Variants in CTNNA3 observed in about 807,000 individuals in gnomAD.
CTNNA3 encodes catenin alpha 3, also known as catenin alpha-3.
Under a neutral mutation model 95.7 loss-of-function variants are expected in CTNNA3, and 76 were observed. The ratio of observed to expected loss-of-function variants is 0.79; its 90% confidence interval spans 0.66 to 0.96. The LOEUF is 0.96. Ranked by LOEUF, CTNNA3 falls within the 40% of genes least tolerant of loss-of-function variation. The pLI is 0.00. For synonymous variants in CTNNA3, 431 were observed against 374.4 expected (o/e 1.15, Z -1.74); for missense variants, 1,191 against 1,089.8 (o/e 1.09, Z -1.31).
rs758057945 is a variant in CTNNA3, at chr10:67,180,376, C to A, written c.988G>T (p.Ala330Ser). ...GCCTGGCGAATGGCGTTGCATTCTG[C>A]GATAATCCGCTCTCGGTGTAAGTCC... ...TRDLHRERII[A>S]ECNAIRQALQ... The change falls in exon 7 of 18, where the codon GCA becomes TCA. Residue 330 changes from alanine (A) to serine (S), a missense_variant. Transcript: ENST00000433211. 3.7e-6 allele frequency: 6 copies of A among 1,613,472 alleles called. No individual in the cohort carries two copies. The highest frequency in any genetic ancestry group is 5.1e-6 in the Non-Finnish European group (6 of 1,179,866).
intron 11 of CTNNA3, among the ~76,000 whole-genome samples, chr10:66,446,392 T>C (rs1303553589): frequency 6.6e-6 from 1 of 151,990 alleles, no homozygotes; most frequent in African/African-American, 2.4e-5. Flanking sequence ...TTTAGACCAA[T>C]ATCCTTGATG....
At chr10:66,089,457 T>C (rs946752007) in intron 14 of CTNNA3, among the ~76,000 whole-genome samples, 2 of 151,728 alleles carry the variant, frequency 1.3e-5, no homozygotes, top group Non-Finnish European at 2.9e-5. Context: ...TTTATTCCTA[T>C]TCCTTGTGCC....
intron 9 of CTNNA3, among the ~76,000 whole-genome samples, chr10:66,695,249 C>A (rs1847713403): frequency 6.6e-6 from 1 of 152,150 alleles, no homozygotes; most frequent in South Asian, 2.1e-4. Flanking sequence ...ATGTTTGCCT[C>A]CTGACTCCCA....
intron 7 of CTNNA3, among the ~76,000 whole-genome samples, chr10:66,779,908 T>C (rs957341267): frequency 2.6e-5 from 4 of 152,100 alleles, no homozygotes; most frequent in Non-Finnish European, 4.4e-5. Flanking sequence ...GTGATAGACA[T>C]AAACACAGTA....
intron 7 of CTNNA3, among the ~76,000 whole-genome samples, chr10:66,794,522 A>T (rs1312119748): frequency 6.6e-6 from 1 of 152,172 alleles, no homozygotes; most frequent in African/African-American, 2.4e-5. Context: ...AAAAAATGCT[A>T]ACAGCCATAT....
chr10:67,557,230 C>G (rs928765473), intron 3 of CTNNA3, among the ~76,000 whole-genome samples: 7 of 152,110 alleles, frequency 4.6e-5, no homozygotes, highest in African/African-American at 1.4e-4. Context: ...GGGACTGTGT[C>G]AACCATGGAA....
intron 4 of CTNNA3, among the ~76,000 whole-genome samples, chr10:67,522,246 C>G (rs1840010194): frequency 6.6e-6 from 1 of 152,098 alleles, no homozygotes; most frequent in African/African-American, 2.4e-5. Flanking sequence ...AAAGAAAGTT[C>G]ATCTTTTAGG....
intron 12 of CTNNA3, among the ~76,000 whole-genome samples, chr10:66,366,048 T>C (rs1468026834): frequency 6.6e-6 from 1 of 152,064 alleles, no homozygotes; most frequent in Non-Finnish European, 1.5e-5. Context: ...ACAGTAAATG[T>C]TTGTTGTCTT....
intron 2 of CTNNA3, among the ~76,000 whole-genome samples, chr10:67,641,806 A>C (rs1168975577): frequency 6.6e-6 from 1 of 152,174 alleles, no homozygotes; most frequent in Non-Finnish European, 1.5e-5. Flanking sequence ...GAATTGAACA[A>C]TGAGAACACT....
chr10:66,010,170 G>A (rs1395484780), intron 15 of CTNNA3, among the ~76,000 whole-genome samples: 2 of 152,172 alleles, frequency 1.3e-5, no homozygotes, highest in East Asian at 1.9e-4. Flanking sequence ...TTGTTAGCAT[G>A]CATCTACTTT....
At chr10:67,051,391 A>G (rs762221890) in intron 7 of CTNNA3, among the ~76,000 whole-genome samples, 11 of 152,194 alleles carry the variant, frequency 7.2e-5, no homozygotes, top group South Asian at 2.1e-4. Context: ...TTTCCCTTGG[A>G]CATTTTAACA....
intron 9 of CTNNA3, among the ~76,000 whole-genome samples, chr10:66,745,755 ATTTT>A (rs34185477): frequency 7.8e-6 from 1 of 128,210 alleles, no homozygotes. Flanking sequence ...ACACCTCGCT[ATTTT>A]TTTTTTTTTT....
intron 7 of CTNNA3, among the ~76,000 whole-genome samples, chr10:66,914,542 C>CA (rs34229702): frequency 0.1 from 13,848 of 132,220 alleles, 769 homozygotes; most frequent in African/African-American, 0.14. Context: ...AGTATACCAC[C>CA]AAAAAAAAAA....
chr10:67,492,487 A>T (rs1332278275), intron 5 of CTNNA3, among the ~76,000 whole-genome samples: 1 of 152,232 alleles, frequency 6.6e-6, no homozygotes, highest in Non-Finnish European at 1.5e-5. Context: ...TTCTCCAACA[A>T]GTGTTTATTG....
In CTNNA3 at chr10:65,966,733, G is replaced by A; in HGVS notation, c.2279C>T (p.Ser760Phe). ...RQIANQCPDP[S>F]CKQDLLAYLE... ...GTAGGCCAACAAGTCCTGTTTACAA[G>A]ATGGATCTGGGCACTAAATATGAAT... Residue 760 changes from serine to phenylalanine, a missense_variant, in exon 17 of 18, where the codon TCT becomes TTT. Physicochemically the swap from Ser to Phe is radical, Grantham distance 155. Coordinates refer to ENST00000433211, the MANE Select transcript of CTNNA3 (RefSeq NM_013266.4). 1 of 1,611,604 alleles carries A rather than the reference G, an allele frequency of 6.2e-7. No individual in the cohort carries two copies. The highest frequency in any genetic ancestry group is 8.5e-7 in the Non-Finnish European group (1 of 1,178,100).
At chr10:66,108,267 C>T (rs2081984647) in intron 13 of CTNNA3, among the ~76,000 whole-genome samples, 1 of 152,100 alleles carries the variant, frequency 6.6e-6, no homozygotes, top group Non-Finnish European at 1.5e-5. Context: ...AAGTTCCTGC[C>T]CCACACCTTT....
At chr10:67,614,536 T>A (rs1259855048) in intron 2 of CTNNA3, among the ~76,000 whole-genome samples, 2 of 152,138 alleles carry the variant, frequency 1.3e-5, no homozygotes, top group Non-Finnish European at 2.9e-5. Flanking sequence ...CACAATAAGG[T>A]TCACTTTCCC....
At chr10:66,156,929 T>C (rs1002524312) in intron 13 of CTNNA3, among the ~76,000 whole-genome samples, 13 of 151,996 alleles carry the variant, frequency 8.6e-5, no homozygotes, top group African/African-American at 2.7e-4. Flanking sequence ...AAGGTGACTA[T>C]GGCTGTCTTG....
At chr10:66,398,123 T>C (rs891298362) in intron 11 of CTNNA3, among the ~76,000 whole-genome samples, 60 of 152,024 alleles carry the variant, frequency 3.9e-4, no homozygotes, top group African/African-American at 1.3e-3. Context: ...TGGCTTATTG[T>C]TTATATTCTC....
Sources: allele counts gnomAD v4.1 joint callset (sites outside exome capture counted in the v4.1 genomes callset), GRCh38; gene constraint gnomAD v4.1.1; transcripts MANE v1.5; gene names NCBI Gene and HGNC (gene_info 2026-07-23, HGNC 2026-07-21).